Variants in FAM180A observed in about 807,000 individuals in gnomAD.
The protein encoded by FAM180A is protein FAM180A.
Under a neutral mutation model 15.3 loss-of-function variants are expected in FAM180A, and 14 were observed. The ratio of observed to expected loss-of-function variants is 0.92; its 90% CI spans 0.61 to 1.43. The LOEUF is 1.43. FAM180A is among the 40% of genes most tolerant of loss of function. The probability of loss-of-function intolerance (pLI) is 0.00; values close to 1 mark genes in which losing one functional copy is unlikely to be tolerated. For missense variants in FAM180A, 200 were observed against 220.8 expected (o/e 0.91, Z 0.60); for synonymous variants, 90 against 96.8 (o/e 0.93, Z 0.41).
intron 2 of FAM180A, among the ~76,000 whole-genome samples, chr7:135,736,827 A>G (rs1042643658): frequency 6.6e-6 from 1 of 152,230 alleles, no homozygotes; most frequent in African/African-American, 2.4e-5. Flanking sequence ...GCCAGGAGTG[A>G]TGCCTATAGG....
intron 1 of FAM180A, among the ~76,000 whole-genome samples, chr7:135,742,067 G>A (rs1287325409): frequency 6.6e-6 from 1 of 152,204 alleles, no homozygotes; most frequent in Non-Finnish European, 1.5e-5. Context: ...TTCTGTGGCT[G>A]CTTTGACCTT....
At chr7:135,734,732 G>A (rs1796846192) in intron 2 of FAM180A, among the ~76,000 whole-genome samples, 2 of 152,116 alleles carry the variant, frequency 1.3e-5, no homozygotes, top group Admixed American at 6.5e-5. Context: ...TAATTTTAAG[G>A]CAGAAGCTGG....
intron 1 of FAM180A, among the ~76,000 whole-genome samples, chr7:135,742,224 G>T (rs1796961147): frequency 6.6e-6 from 1 of 152,208 alleles, no homozygotes; most frequent in South Asian, 2.1e-4. Context: ...AGAGGCTGGA[G>T]GTGGTGGGTG....
intron 1 of FAM180A, among the ~76,000 whole-genome samples, chr7:135,747,494 A>AT (rs1046904736): frequency 1.3e-5 from 2 of 152,154 alleles, no homozygotes; most frequent in African/African-American, 4.8e-5. Flanking sequence ...AAAACCCAGC[A>AT]TAAGTACAGT....
At chr7:135,730,912 T>C (rs62489530) in intron 3 of FAM180A, among the ~76,000 whole-genome samples, 2 of 152,176 alleles carry the variant, frequency 1.3e-5, no homozygotes, top group African/African-American at 4.8e-5. Flanking sequence ...CTCTAGTTAC[T>C]GAAAATGAGT....
intron 1 of FAM180A, among the ~76,000 whole-genome samples, chr7:135,739,826 G>A (rs1232748388): frequency 3.9e-5 from 6 of 152,106 alleles, no homozygotes; most frequent in South Asian, 2.1e-4. Flanking sequence ...ATTTATGATC[G>A]ATACCACAAG....
chr7:135,732,037 G>A (rs1796791011), intron 3 of FAM180A, among the ~76,000 whole-genome samples: 2 of 152,178 alleles, frequency 1.3e-5, no homozygotes, highest in South Asian at 4.1e-4. Flanking sequence ...GGACCCAGAC[G>A]CTCGACCCCT....
chr7:135,748,173 G>A (rs920365432), intron 1 of FAM180A, among the ~76,000 whole-genome samples: 1 of 152,194 alleles, frequency 6.6e-6, no homozygotes, highest in African/African-American at 2.4e-5. Context: ...TCTCCAGACG[G>A]TCTGGCCCAA....
At position 135,746,684 on chromosome 7, in the gene FAM180A, A is replaced by T. The variant is rs1797036463; in HGVS notation, c.76+1821T>A. 2.6e-5 allele frequency among the ~76,000 whole-genome samples: 4 copies of T among 152,294 alleles called. No homozygotes were observed. The South Asian group carries it at 8.3e-4, about 32-fold the overall frequency. On this transcript the variant is annotated intron_variant, in intron 1 of 3. Transcript: ENST00000338588. ...ACAAAGAGGGGAGTGACAGAACCCA[A>T]CTCCAAGATCTCTTTGCTTTTTACT...
chr7:135,733,890 G>T lies in FAM180A; in HGVS notation c.*85C>A. On this transcript the variant is annotated 3_prime_UTR_variant, in exon 3 of 4. Coordinates refer to ENST00000338588, the MANE Select transcript of FAM180A (RefSeq NM_205855.4). ...TGTCAGCGGTAAGAGTTTTGTTGCT[G>T]GTCTCTGTAAATGGAGTAGAGAATG... 6.8e-7 allele frequency: 1 copy of T among 1,460,732 alleles called. No homozygotes were observed. The highest frequency in any genetic ancestry group is 9.0e-7 in the Non-Finnish European group (1 of 1,105,738). 90.5% of individuals were successfully genotyped at this position (1,460,732 alleles called of 1,614,324 possible). A position where few individuals can be genotyped will look rare whatever the true frequency, so the allele number is the denominator to read the frequency against.
At chr7:135,745,224 C>T (rs1797014458) in intron 1 of FAM180A, among the ~76,000 whole-genome samples, 1 of 152,178 alleles carries the variant, frequency 6.6e-6, no homozygotes, top group African/African-American at 2.4e-5. Flanking sequence ...TGAGGACACA[C>T]ACAACCCTTA....
chr7:135,729,687 A>T lies in FAM180A; in HGVS notation c.*924T>A. On this transcript the variant is annotated 3_prime_UTR_variant, in exon 4 of 4. Transcript: ENST00000338588. ...ACAGCAAGTGTACAATAAGACCAGT[A>T]GTTCTCCTTCAGAACTCTACCCATT... 9 of 984,286 alleles carry T rather than the reference A, an allele frequency of 9.1e-6. No individual in the cohort carries two copies. Among genetic ancestry groups the T allele is most frequent in the Non-Finnish European group, 1.1e-5 (9 of 828,864 alleles). The allele number at this position is 984,286 out of a possible 1,614,324, so 61.0% of individuals were successfully genotyped here.
intron 1 of FAM180A, among the ~76,000 whole-genome samples, chr7:135,741,011 T>C (rs1484570735): frequency 1.3e-5 from 2 of 150,680 alleles, no homozygotes; most frequent in African/African-American, 2.5e-5. Flanking sequence ...AGGAAGGCAA[T>C]AGGGAGGGAA....
intron 3 of FAM180A, 150 bp downstream of exon 3, chr7:135,733,496 G>T: frequency 4.3e-6 from 1 of 233,622 alleles, no homozygotes; most frequent in Non-Finnish European, 7.0e-6. Context: ...ACAGGTGTGC[G>T]CCACCACGTC....
intron 3 of FAM180A, among the ~76,000 whole-genome samples, chr7:135,731,720 A>C (rs1272065214): frequency 6.6e-6 from 1 of 152,220 alleles, no homozygotes; most frequent in Non-Finnish European, 1.5e-5. Flanking sequence ...GAGCCTGAGA[A>C]TATCAGGATG....
chr7:135,736,780 TTTGC>T (rs1245142680), intron 2 of FAM180A, among the ~76,000 whole-genome samples: 1 of 152,180 alleles, frequency 6.6e-6, no homozygotes, highest in Non-Finnish European at 1.5e-5. Flanking sequence ...CCTCAAGGCC[TTTGC>T]TTGGGAATAT....
At chr7:135,738,341 G>A (rs999534410) in intron 1 of FAM180A, among the ~76,000 whole-genome samples, 17 of 152,180 alleles carry the variant, frequency 1.1e-4, no homozygotes, top group African/African-American at 4.1e-4. Context: ...TTACAGATGT[G>A]TGCCACCACG....
In FAM180A at chr7:135,734,010, A is replaced by G. The variant is rs781185562; in HGVS notation, c.487T>C (p.Leu163=). 2.7e-5 allele frequency: 44 copies of G among 1,612,554 alleles called. No homozygotes were observed. In the South Asian group the frequency reaches 4.6e-4, roughly 17 times the overall value. ...VSLFQALRHD[L]MRSSQPGVPP is the part of the protein sequence containing the mutation. ...ACTCCCGGCTGTGAGGAGCGCATCA[A>G]GTCGTGCCTCAGGGCCTGGAAGAGG... Residue 163 remains leucine, a synonymous_variant, in exon 3 of 4, where the codon TTG becomes CTG. Coordinates refer to ENST00000338588, the MANE Select transcript of FAM180A (RefSeq NM_205855.4).
intron 3 of FAM180A, among the ~76,000 whole-genome samples, chr7:135,731,108 GT>G (rs753678326): frequency 2.6e-5 from 4 of 152,090 alleles, no homozygotes; most frequent in African/African-American, 4.8e-5. Flanking sequence ...TAACATGGTG[GT>G]CAGGGACTAC....
Sources: gnomAD v4.1 joint callset for allele counts (sites outside exome capture counted in the v4.1 genomes callset) on GRCh38, gnomAD v4.1.1 for gene constraint, MANE v1.5 for transcripts, NCBI Gene and HGNC (gene_info 2026-07-23, HGNC 2026-07-21) for gene names.